ANKS1B: variants seen among roughly 807,000 people sequenced by gnomAD.
ANKS1B encodes ankyrin repeat and sterile alpha motif domain containing 1B.
ANKS1B carries 36 observed loss-of-function variants against 148.3 expected under a neutral mutation model. The observed-to-expected ratio is 0.24, with a 90% confidence interval of 0.19 to 0.32. The LOEUF is 0.32. ANKS1B is among the 10% of genes least tolerant of loss of function. The probability of loss-of-function intolerance (pLI) is 1.00; values close to 1 mark genes in which losing one functional copy is unlikely to be tolerated. For synonymous variants in ANKS1B, 542 were observed against 560.8 expected (o/e 0.97, Z 0.47); for missense variants, 1,157 against 1,542.6 (o/e 0.75, Z 4.19).
intron 1 of ANKS1B, among the ~76,000 whole-genome samples, chr12:99,832,772 A>C (rs2084241351): frequency 6.7e-6 from 1 of 148,946 alleles, no homozygotes; most frequent in Non-Finnish European, 1.5e-5. Flanking sequence ...AATGCCCAGC[A>C]AAAAAAAAAT....
At chr12:99,962,061 G>A (rs1349064768) in intron 1 of ANKS1B, among the ~76,000 whole-genome samples, 1 of 152,112 alleles carries the variant, frequency 6.6e-6, no homozygotes, top group Non-Finnish European at 1.5e-5. Flanking sequence ...TTTAAATCCA[G>A]GCTGGTTTAG....
intron 17 of ANKS1B, among the ~76,000 whole-genome samples, chr12:99,000,361 C>CG (rs1201966023): frequency 6.6e-6 from 1 of 150,626 alleles, no homozygotes; most frequent in Non-Finnish European, 1.5e-5. Flanking sequence ...CCTCTCCCTC[C>CG]GGGTTCAAGC....
intron 19 of ANKS1B, among the ~76,000 whole-genome samples, chr12:98,817,603 T>G (rs746481492): frequency 1.3e-5 from 2 of 152,258 alleles, no homozygotes; most frequent in Non-Finnish European, 2.9e-5. Context: ...CACTCAGTCC[T>G]GTAACAACTG....
intron 11 of ANKS1B, among the ~76,000 whole-genome samples, chr12:99,407,109 T>C (rs2094548990): frequency 6.9e-6 from 1 of 145,754 alleles, no homozygotes; most frequent in Admixed American, 6.8e-5. Context: ...TCCTGATGCA[T>C]GTTGATGCAA....
intron 11 of ANKS1B, among the ~76,000 whole-genome samples, chr12:99,442,603 C>G (rs926775982): frequency 6.6e-6 from 1 of 151,812 alleles, no homozygotes; most frequent in African/African-American, 2.4e-5. Context: ...ACAAATTGCA[C>G]TTGAATTGAT....
At chr12:98,944,133 C>T (rs907203137) in intron 17 of ANKS1B, among the ~76,000 whole-genome samples, 2 of 152,040 alleles carry the variant, frequency 1.3e-5, no homozygotes, top group Non-Finnish European at 2.9e-5. Flanking sequence ...AACTCCATCT[C>T]TACTACAAAT....
chr12:99,708,944 A>T (rs1226033164), intron 8 of ANKS1B, among the ~76,000 whole-genome samples: 8 of 152,268 alleles, frequency 5.3e-5, no homozygotes, highest in African/African-American at 1.9e-4. Context: ...TTACTCATAT[A>T]CAAAGCCATC....
intron 14 of ANKS1B, among the ~76,000 whole-genome samples, chr12:99,214,796 T>C (rs190409387): frequency 2.4e-3 from 370 of 152,222 alleles, no homozygotes; most frequent in Non-Finnish European, 4.8e-3. Context: ...GACAGGAAGA[T>C]GTGGTAAAGT....
chr12:99,095,314 G>A (rs138986792), intron 15 of ANKS1B, among the ~76,000 whole-genome samples: 232 of 152,242 alleles, frequency 1.5e-3, no homozygotes, highest in African/African-American at 4.9e-3. Context: ...TCCCTTTAAA[G>A]CAATGGTTGA....
At chr12:99,069,149 T>C (rs910014948) in intron 16 of ANKS1B, among the ~76,000 whole-genome samples, 8 of 152,198 alleles carry the variant, frequency 5.3e-5, no homozygotes, top group African/African-American at 4.8e-5. Flanking sequence ...TGTCTGTGCA[T>C]GGCCGTGTGG....
chr12:98,856,023 T>C (rs1399345889), intron 17 of ANKS1B, among the ~76,000 whole-genome samples: 1 of 152,284 alleles, frequency 6.6e-6, no homozygotes, highest in Admixed American at 6.5e-5. Flanking sequence ...TTCTCTGGTC[T>C]GCTCTTTTCT....
chr12:98,894,805 G>T, intron 17 of ANKS1B: 2 of 984,222 alleles, frequency 2.0e-6, no homozygotes, highest in South Asian at 9.4e-5. Flanking sequence ...GCCGAGGAAG[G>T]GCGGGAGAGG....
At chr12:99,237,931 C>A (rs2088334279) in intron 14 of ANKS1B, among the ~76,000 whole-genome samples, 1 of 152,174 alleles carries the variant, frequency 6.6e-6, no homozygotes, top group African/African-American at 2.4e-5. Context: ...TCACTGGTGT[C>A]CAAGGTGGCT....
chr12:99,259,409 T>C (rs2075678670), intron 12 of ANKS1B, among the ~76,000 whole-genome samples: 1 of 152,188 alleles, frequency 6.6e-6, no homozygotes, highest in Non-Finnish European at 1.5e-5. Flanking sequence ...GCTCTGTTGT[T>C]TCCTGGTCTA....
rs185772590 is a variant in ANKS1B at position 99,969,977 on chromosome 12, T to C, written c.134+14127A>G. ...TTGTAAAGATTGAAGAATATAATTT[T>C]ATGTAAAAAAAGTGGCCTGTGTGAT... On this transcript the variant is annotated intron_variant, in intron 1 of 26. Transcript: ENST00000683438. 4.0e-5 allele frequency among the ~76,000 whole-genome samples: 6 copies of C among 149,030 alleles called. No individual in the cohort carries two copies. In the East Asian group the frequency reaches 1.2e-3, roughly 29 times the overall value.
At position 98,745,047 on chromosome 12, in the gene ANKS1B, T is replaced by C. The variant is rs2097851239; in HGVS notation, c.*692A>G. On this transcript the variant is annotated 3_prime_UTR_variant, in exon 27 of 27. Transcript: ENST00000683438. Reference sequence around the variant, plus strand: ...ATGAAACATTCTTTTAATAAAAATATTTAATACAAGACACATTTTGCTGTG... The same window carrying C: ...ATGAAACATTCTTTTAATAAAAATACTTAATACAAGACACATTTTGCTGTG... 1.0e-6 allele frequency: 1 copy of C among 985,198 alleles called. No individual in the cohort carries two copies. Among genetic ancestry groups the C allele is most frequent in the South Asian group, 4.7e-5 (1 of 21,276 alleles). 61.0% of individuals were successfully genotyped at this position (985,198 alleles called of 1,614,324 possible).
At chr12:99,673,849 T>A (rs1422744943) in intron 8 of ANKS1B, among the ~76,000 whole-genome samples, 1 of 151,650 alleles carries the variant, frequency 6.6e-6, no homozygotes, top group East Asian at 1.9e-4. Context: ...GTCATTATTT[T>A]CAGTGAAACA....
chr12:99,322,477 TAAAA>T (rs757165561), intron 12 of ANKS1B, among the ~76,000 whole-genome samples: 1 of 65,630 alleles, frequency 1.5e-5, no homozygotes, highest in Admixed American at 1.6e-4. Flanking sequence ...GAACTTAAAG[TAAAA>T]AAAAAAAAAA....
chr12:99,903,109 T>C (rs934159), intron 1 of ANKS1B, among the ~76,000 whole-genome samples: 35,833 of 152,150 alleles, frequency 0.24, 5,841 homozygotes, highest in African/African-American at 0.46. Context: ...CAATGCCTAA[T>C]GCAGAGTAAA....
Sources: allele counts gnomAD v4.1 joint callset (sites outside exome capture counted in the v4.1 genomes callset), GRCh38; gene constraint gnomAD v4.1.1; transcripts MANE v1.5; gene names NCBI Gene and HGNC (gene_info 2026-07-23, HGNC 2026-07-21).